STOX2: variants seen among roughly 807,000 people sequenced by gnomAD.
The protein encoded by STOX2 is storkhead box 2, also known as storkhead-box protein 2.
In STOX2, 28 loss-of-function variants were observed where a neutral mutation model predicts 60.9. That is an observed-to-expected ratio of 0.46 (90% CI 0.34 to 0.63). The LOEUF (loss-of-function observed/expected upper bound fraction) is 0.63, where lower values mean the gene tolerates loss of function less well. STOX2 is among the 30% of genes least tolerant of loss of function. The pLI, the probability that STOX2 is intolerant of heterozygous loss-of-function variation, is 0.01. For synonymous variants in STOX2, 472 were observed against 463.9 expected (o/e 1.02, Z -0.22); for missense variants, 1,024 against 1,187.7 (o/e 0.86, Z 2.03).
rs1740919841 is a variant in STOX2 at position 183,880,013 on chromosome 4, G to A, written c.364+81958G>A. 2.0e-5 allele frequency among the ~76,000 whole-genome samples: 3 copies of A among 152,050 alleles called. No homozygotes were observed. In the South Asian group the frequency reaches 6.2e-4, roughly 32 times the overall value. ...TCTTTTTTCTGTTTTTTTAGAGACG[G>A]AATCTCGCTCTGTTGCCCAGAGTTG... On this transcript the variant is annotated intron_variant, in intron 1 of 2. Transcript: ENST00000513034.
intron 1 of STOX2, among the ~76,000 whole-genome samples, chr4:183,826,617 C>T (rs1329330263): frequency 6.6e-6 from 1 of 152,248 alleles, no homozygotes; most frequent in African/African-American, 2.4e-5. Flanking sequence ...GGGACGGCTG[C>T]CTGCTAGCAA....
intron 1 of STOX2, among the ~76,000 whole-genome samples, chr4:183,897,618 G>A (rs1466782408): frequency 2.0e-5 from 3 of 152,166 alleles, no homozygotes; most frequent in African/African-American, 7.2e-5. Flanking sequence ...GCCATTTTGA[G>A]GAGAGGCTTG....
intron 1 of STOX2, among the ~76,000 whole-genome samples, chr4:183,908,529 A>G (rs1741682219): frequency 6.6e-6 from 1 of 150,792 alleles, no homozygotes; most frequent in African/African-American, 2.4e-5. Flanking sequence ...GTTGGTGGCC[A>G]TCATTTCATC....
intron 1 of STOX2, among the ~76,000 whole-genome samples, chr4:183,943,527 A>G (rs1362648276): frequency 6.6e-6 from 1 of 152,232 alleles, no homozygotes; most frequent in Non-Finnish European, 1.5e-5. Flanking sequence ...TCCATTTTAA[A>G]ATGTTTTTTA....
In STOX2 at chr4:184,017,884, C is replaced by T. The variant is rs1395965144; in HGVS notation, c.*600C>T. ...TTTTTCACTGTGAGTTTTCGTGACA[C>T]TATTTTGCAGGAGCCCATGGAAGTG... On this transcript the variant is annotated 3_prime_UTR_variant, in exon 4 of 4. Transcript: ENST00000308497. 8 of 152,180 alleles carry T rather than the reference C, an allele frequency of 5.3e-5. No homozygotes were observed. Among genetic ancestry groups the T allele is most frequent in the Admixed American group, 5.2e-4 (8 of 15,284 alleles). The allele number at this position is 152,180 out of a possible 1,614,324, so 9.4% of individuals were successfully genotyped here.
At chr4:183,996,560 A>G (rs1733356236) in intron 1 of STOX2, among the ~76,000 whole-genome samples, 1 of 152,218 alleles carries the variant, frequency 6.6e-6, no homozygotes, top group African/African-American at 2.4e-5. Flanking sequence ...TTCTAGTAGC[A>G]TATCTTAAAA....
chr4:183,810,858 C>T (rs1182261219), intron 1 of STOX2, among the ~76,000 whole-genome samples: 1 of 152,052 alleles, frequency 6.6e-6, no homozygotes, highest in Non-Finnish European at 1.5e-5. Context: ...CATAAATTAA[C>T]CAATCTGTGG....
chr4:183,831,044 G>A (rs1009715638), intron 1 of STOX2, among the ~76,000 whole-genome samples: 2 of 151,958 alleles, frequency 1.3e-5, no homozygotes, highest in African/African-American at 2.4e-5. Flanking sequence ...AGATGGCCAA[G>A]CACTACATGG....
chr4:183,840,664 C>CA (rs978963217), intron 1 of STOX2, among the ~76,000 whole-genome samples: 1 of 152,190 alleles, frequency 6.6e-6, no homozygotes, highest in Non-Finnish European at 1.5e-5. Flanking sequence ...ACACAAGAAA[C>CA]AGATTTGATG....
intron 1 of STOX2, among the ~76,000 whole-genome samples, chr4:183,799,784 CA>C (rs1393001658): frequency 6.6e-6 from 1 of 152,104 alleles, no homozygotes; most frequent in African/African-American, 2.4e-5. Context: ...GGTGATCTGT[CA>C]TATTAACCAA....
At chr4:183,946,425 A>G (rs34053197) in intron 1 of STOX2, among the ~76,000 whole-genome samples, 52,535 of 152,026 alleles carry the variant, frequency 0.35, 10,754 homozygotes, top group Non-Finnish European at 0.46. Flanking sequence ...GGTTGGGCCT[A>G]TGACCCCATG....
chr4:183,917,167 G>C (rs890730512), intron 1 of STOX2, among the ~76,000 whole-genome samples: 1 of 152,222 alleles, frequency 6.6e-6, no homozygotes, highest in South Asian at 2.1e-4. Context: ...GGCATTCCCA[G>C]TGGCTTCAGT....
intron 1 of STOX2, among the ~76,000 whole-genome samples, chr4:183,938,053 G>GT (rs1443457715): frequency 6.6e-6 from 1 of 152,144 alleles, no homozygotes; most frequent in Non-Finnish European, 1.5e-5. Context: ...GGAGGCTGTG[G>GT]TGGGAGGATC....
intron 1 of STOX2, among the ~76,000 whole-genome samples, chr4:183,799,788 TTAACCA>T (rs1387509662): frequency 6.6e-6 from 1 of 152,230 alleles, no homozygotes; most frequent in Non-Finnish European, 1.5e-5. Context: ...ATCTGTCATA[TTAACCA>T]AAGAGAAATA....
chr4:183,881,097 T>G (rs55927126), intron 1 of STOX2, among the ~76,000 whole-genome samples: 6,723 of 152,286 alleles, frequency 0.044, 227 homozygotes, highest in Non-Finnish European at 0.073. Flanking sequence ...AATTGCCTTT[T>G]CTGAATTCCC....
intron 1 of STOX2, among the ~76,000 whole-genome samples, chr4:183,992,354 G>A (rs11736295): frequency 0.25 from 38,369 of 152,112 alleles, 5,592 homozygotes; most frequent in Non-Finnish European, 0.33. Flanking sequence ...AATAGCTCTG[G>A]TGATTCCAAC....
chr4:183,802,633 T>G (rs1259307080), intron 1 of STOX2, among the ~76,000 whole-genome samples: 1 of 143,490 alleles, frequency 7.0e-6, no homozygotes, highest in Non-Finnish European at 1.5e-5. Flanking sequence ...TGAGGCGGAG[T>G]CTCGCTCTGT....
chr4:183,833,930 C>T lies in STOX2; in HGVS notation c.364+35875C>T, dbSNP rs1486347652. 5.0e-5 allele frequency among the ~76,000 whole-genome samples: 7 copies of T among 139,058 alleles called. 1 individual carries two copies. Among genetic ancestry groups the T allele is most frequent in the Admixed American group, 2.6e-4 (3 of 11,726 alleles). 91.2% of individuals were successfully genotyped at this position (139,058 alleles called of 152,430 possible). A position where few individuals can be genotyped will look rare whatever the true frequency, so the allele number is the denominator to read the frequency against. ...CCGGGAGGCGGAGCTTGCAGTGAGC[C>T]GAGATCCCGCCACTGCACTCCAGCC... On this transcript the variant is annotated intron_variant, in intron 1 of 2. Coordinates refer to the STOX2 transcript ENST00000513034.
At position 183,914,971 on chromosome 4, in the gene STOX2, G is replaced by A. The variant is rs544388467; in HGVS notation, c.166+8015G>A. ...TGAAAACAGAGCTCTGCAAGTAGCC[G>A]CACAAAAGACTAGGCCAGCTATGTA... On this transcript the variant is annotated intron_variant, in intron 1 of 3. Coordinates refer to ENST00000308497, the MANE Select transcript of STOX2 (RefSeq NM_020225.3). 5.3e-5 allele frequency among the ~76,000 whole-genome samples: 8 copies of A among 152,294 alleles called. No homozygotes were observed. The South Asian group carries it at 6.2e-4, about 12-fold the overall frequency.
Sources: gnomAD v4.1 joint callset for allele counts (sites outside exome capture counted in the v4.1 genomes callset) on GRCh38, gnomAD v4.1.1 for gene constraint, MANE v1.5 for transcripts, NCBI Gene and HGNC (gene_info 2026-07-23, HGNC 2026-07-21) for gene names.